The following GCN1 variants were observed in gnomAD, a reference collection of about 807,000 sequenced individuals.
GCN1 encodes stalled ribosome sensor GCN1.
In GCN1, 90 loss-of-function variants were observed where a neutral mutation model predicts 288.4. The ratio of observed to expected loss-of-function variants is 0.31; its 90% CI spans 0.26 to 0.37. The LOEUF (loss-of-function observed/expected upper bound fraction) is 0.37, where lower values mean the gene tolerates loss of function less well. Among genes scored for constraint, GCN1 ranks in the 10% least tolerant of loss-of-function variants. The pLI, the probability that GCN1 is intolerant of heterozygous loss-of-function variation, is 1.00. For missense variants in GCN1, 2,586 were observed against 3,419.9 expected (o/e 0.76, Z 6.08); for synonymous variants, 1,386 against 1,420.2 (o/e 0.98, Z 0.54).
Position 120,127,979 on chromosome 12 carries a change from G to T in GCN1, c.7891-5C>A. Reference sequence around the variant, plus strand: ...ATCCAGGATCTTGGAGAGGGACTGTGGGGAAGGATGAGCAGGAGGAAACAT... The same window carrying T: ...ATCCAGGATCTTGGAGAGGGACTGTTGGGAAGGATGAGCAGGAGGAAACAT... On this transcript the variant is annotated splice_region_variant and splice_polypyrimidine_tract_variant and intron_variant, in intron 57 of 57. Coordinates refer to ENST00000300648, the MANE Select transcript of GCN1 (RefSeq NM_006836.2). The T allele has an allele frequency of 6.2e-7, 1 of 1,613,930 alleles. No individual in the cohort carries two copies.
chr12:120,180,385 G>A (rs1279077655), intron 5 of GCN1, among the ~76,000 whole-genome samples: 1 of 152,066 alleles, frequency 6.6e-6, no homozygotes, highest in Non-Finnish European at 1.5e-5. Flanking sequence ...GGGAGGCTGA[G>A]GCAGGCGGAT....
At position 120,158,266 on chromosome 12, in the gene GCN1, G is replaced by C. The variant is rs61240684; in HGVS notation, c.2905+194C>G. Among the ~76,000 whole-genome samples, 1,309 of 152,288 alleles carry C rather than the reference G, an allele frequency of 8.6e-3. 14 individuals carry two copies. Among genetic ancestry groups the C allele is most frequent in the African/African-American group, 0.03 (1,231 of 41,560 alleles). ...GGATGTGAGAGTTAAAACAGAGATGGGGACACCAGTGACAAAAAGTAAACC... is the reference window on the plus strand; with the variant it reads ...GGATGTGAGAGTTAAAACAGAGATGCGGACACCAGTGACAAAAAGTAAACC... On this transcript the variant is annotated intron_variant, in intron 25 of 57. Coordinates refer to ENST00000300648, the MANE Select transcript of GCN1 (RefSeq NM_006836.2). This position sits in a 1 kb window ranked among gnomAD's most constrained non-coding sequence, Gnocchi z 4.3.
At position 120,148,119 on chromosome 12, in the gene GCN1, C is replaced by A. The variant is rs371984937; in HGVS notation, c.4726+48G>T. On this transcript the variant is annotated intron_variant, in intron 37 of 57. Transcript: ENST00000300648. Reference sequence around the variant, plus strand: ...AGTTCCCTGCAGTGTCCAAAGGCTGCGGCGTTGGTGGGAGGTCAGGGCAAG... The same window carrying A: ...AGTTCCCTGCAGTGTCCAAAGGCTGAGGCGTTGGTGGGAGGTCAGGGCAAG... 14 of 1,399,212 alleles carry A rather than the reference C, an allele frequency of 1.0e-5. No homozygotes were observed. The African/African-American group carries it at 2.0e-4, about 20-fold the overall frequency. The allele number at this position is 1,399,212 out of a possible 1,614,324, so 86.7% of individuals were successfully genotyped here.
intron 1 of GCN1, 56 bp downstream of exon 1, chr12:120,194,624 G>T: frequency 6.7e-7 from 1 of 1,487,834 alleles, no homozygotes; most frequent in East Asian, 2.7e-5. Context: ...CCCGCCCGAC[G>T]GCCACCGTCC....
chr12:120,168,229 G>T lies in GCN1; in HGVS notation c.1591C>A (p.Leu531Met). 1 of 1,591,006 alleles carries T rather than the reference G, an allele frequency of 6.3e-7. No homozygotes were observed. Among genetic ancestry groups the T allele is most frequent in the Non-Finnish European group, 8.6e-7 (1 of 1,158,874 alleles). Reference protein sequence around the residue: ...KKQVFTSEKFLVMASEDALCT... With the variant: ...KKQVFTSEKFMVMASEDALCT... ...TTACCATCCTCTGAAGCCATGACCAGGAATTTCTCAGAAGTGAAAACCTGC... is the reference window on the plus strand; with the variant it reads ...TTACCATCCTCTGAAGCCATGACCATGAATTTCTCAGAAGTGAAAACCTGC... The change falls in exon 16 of 58, where the codon CTG becomes ATG. Residue 531 changes from leucine (L) to methionine (M), a missense_variant. Physicochemically the swap from Leu to Met is conservative, Grantham distance 15 (BLOSUM62 2). Around this residue, in one of 8 missense-constraint regions of GCN1, gnomAD observed 913 missense variants for 1,107.0 expected, o/e 0.82. Coordinates refer to ENST00000300648, the MANE Select transcript of GCN1 (RefSeq NM_006836.2).
intron 31 of GCN1, 75 bp downstream of exon 31, chr12:120,154,895 C>T: frequency 7.3e-7 from 1 of 1,374,230 alleles, no homozygotes; most frequent in Non-Finnish European, 1.0e-6. Context: ...ATGCTGCCTC[C>T]TCACAGCACC....
chr12:120,172,892 T>TA (rs764595141), intron 14 of GCN1, among the ~76,000 whole-genome samples: 3 of 152,112 alleles, frequency 2.0e-5, no homozygotes, highest in East Asian at 1.9e-4. Context: ...AAATCAGTAA[T>TA]AGAGGTTTAT....
intron 53 of GCN1, 87 bp from the exon 54 acceptor site, chr12:120,132,109 T>C (rs1876846890): frequency 2.4e-6 from 2 of 835,530 alleles, no homozygotes; most frequent in Admixed American, 4.1e-5. Context: ...GAGCCCAGGA[T>C]GGACAGCAAC....
At chr12:120,178,543 G>C (rs1048583414) in intron 7 of GCN1, 82 bp downstream of exon 7, 2 of 1,412,508 alleles carry the variant, frequency 1.4e-6, no homozygotes, top group Non-Finnish European at 2.0e-6. Context: ...CCAGGGCAAA[G>C]CAGGTTCCCA....
intron 56 of GCN1, among the ~76,000 whole-genome samples, chr12:120,129,901 G>A (rs1342431932): frequency 6.6e-6 from 1 of 152,158 alleles, no homozygotes; most frequent in African/African-American, 2.4e-5. Flanking sequence ...CAGGGATCCT[G>A]TCTGCCTTGT....
In GCN1 at chr12:120,134,777, C is replaced by A; in HGVS notation, c.7009-51G>T. ...AAGACAGTTGTGGTAGACCCAAAGC[C>A]ACAGTGTACCACAGGCATGAGAACA... is the stretch of plus-strand genomic sequence containing the variant. On this transcript the variant is annotated intron_variant, in intron 51 of 57. Coordinates refer to ENST00000300648, the MANE Select transcript of GCN1 (RefSeq NM_006836.2). The surrounding 1 kb of genome is among the most constrained non-coding windows in gnomAD (Gnocchi z 5.0). 7.1e-7 allele frequency: 1 copy of A among 1,416,952 alleles called. No homozygotes were observed. The highest frequency in any genetic ancestry group is 9.9e-7 in the Non-Finnish European group (1 of 1,005,220). 87.8% of individuals were successfully genotyped at this position (1,416,952 alleles called of 1,614,324 possible).
chr12:120,172,020 C>T (rs957952268), intron 14 of GCN1, among the ~76,000 whole-genome samples: 1 of 152,110 alleles, frequency 6.6e-6, no homozygotes, highest in African/African-American at 2.4e-5. Flanking sequence ...TACCACCATG[C>T]CCAGCTATTT....
rs777041305 is a variant in GCN1 at position 120,145,380 on chromosome 12, C to T, written c.4948-50G>A. ...AGGTGAGGCCCGACTCCTGCTTTCT[C>T]CAGGCCTGTTCCACTGTGGACCCTG... is the stretch of plus-strand genomic sequence containing the variant. On this transcript the variant is annotated intron_variant, in intron 38 of 57. Transcript: ENST00000300648. 10 of 1,397,756 alleles carry T rather than the reference C, an allele frequency of 7.2e-6. No homozygotes were observed. The African/African-American group carries it at 1.0e-4, about 14-fold the overall frequency. 86.6% of individuals were successfully genotyped at this position (1,397,756 alleles called of 1,614,324 possible). A position where few individuals can be genotyped will look rare whatever the true frequency, so the allele number is the denominator to read the frequency against.
At chr12:120,168,038 T>C (rs562697822) in intron 16 of GCN1, among the ~76,000 whole-genome samples, 170 bp downstream of exon 16, 2 of 152,128 alleles carry the variant, frequency 1.3e-5, no homozygotes, top group African/African-American at 4.8e-5. Context: ...CCTAACCTTA[T>C]GTTCCCTACA....
At chr12:120,150,966 T>A (rs906294502) in intron 34 of GCN1, among the ~76,000 whole-genome samples, 179 bp downstream of exon 34, 4 of 150,322 alleles carry the variant, frequency 2.7e-5, no homozygotes, top group East Asian at 1.9e-4. Flanking sequence ...GAAAAAAAAA[T>A]TTGCAAGTCC....
Position 120,136,592 on chromosome 12 carries a change from G to A in GCN1, c.6918C>T (p.Ile2306=). The A allele has an allele frequency of 6.2e-7, 1 of 1,614,210 alleles. No homozygotes were observed. The highest frequency in any genetic ancestry group is 8.5e-7 in the Non-Finnish European group (1 of 1,180,032). ...ADALRPSVVS[I]TGPLIRILGD... ...CCAGGATGCGGATCAGAGGGCCAGT[G>A]ATGCTGACCACGGAGGGCCTCAGGG... Residue 2306 remains isoleucine (I), a synonymous_variant, in exon 51 of 58, where the codon ATC becomes ATT. Coordinates refer to ENST00000300648, the MANE Select transcript of GCN1 (RefSeq NM_006836.2).
At chr12:120,175,017 C>CTA (rs1172912289) in intron 12 of GCN1, 145 bp downstream of exon 12, 13 of 654,100 alleles carry the variant, frequency 2.0e-5, no homozygotes, top group Middle Eastern at 4.1e-4. Flanking sequence ...ATCCCAGCTA[C>CTA]TAAGGAGGCT....
At chr12:120,180,281 G>A (rs1878611000) in intron 5 of GCN1, among the ~76,000 whole-genome samples, 1 of 151,842 alleles carries the variant, frequency 6.6e-6, no homozygotes, top group African/African-American at 2.4e-5. Flanking sequence ...CCGAGATCAC[G>A]CCTTTGTACT....
intron 51 of GCN1, among the ~76,000 whole-genome samples, chr12:120,136,052 A>C (rs1387929068): frequency 6.6e-6 from 1 of 152,130 alleles, no homozygotes; most frequent in African/African-American, 2.4e-5. Context: ...AACAAAAAAA[A>C]ACAAAAACTG....
Sources: gnomAD v4.1 joint callset for allele counts (sites outside exome capture counted in the v4.1 genomes callset) on GRCh38, gnomAD v4.1.1 for gene constraint, gnomAD v4.1.1 regional missense constraint, Gnocchi (gnomAD v3.1) non-coding constraint, MANE v1.5 for transcripts, NCBI Gene and HGNC (gene_info 2026-07-23, HGNC 2026-07-21) for gene names.